Variants in FLRT2 observed in about 807,000 individuals in gnomAD.
FLRT2 encodes the protein leucine-rich repeat transmembrane protein FLRT2.
A neutral mutation model predicts 40.0 loss-of-function variants in FLRT2; 15 were observed. The ratio of observed to expected loss-of-function variants is 0.38; its 90% CI spans 0.25 to 0.58. The LOEUF (loss-of-function observed/expected upper bound fraction) is 0.58. Ranked by LOEUF, FLRT2 falls within the 20% of genes least tolerant of loss-of-function variation. The pLI is 0.71. For missense variants in FLRT2, 726 were observed against 840.0 expected (o/e 0.86, Z 1.68); for synonymous variants, 380 against 336.8 (o/e 1.13, Z -1.41).
intron 1 of FLRT2, among the ~76,000 whole-genome samples, chr14:85,535,924 TG>T (rs1566714230): frequency 0.011 from 841 of 78,800 alleles, 3 homozygotes; most frequent in East Asian, 0.032. Flanking sequence ...TTTTTTTTGT[TG>T]TTGTTGTTGT....
intron 1 of FLRT2, among the ~76,000 whole-genome samples, chr14:85,576,812 A>G (rs1231099971): frequency 6.6e-6 from 1 of 152,230 alleles, no homozygotes; most frequent in African/African-American, 2.4e-5. Flanking sequence ...AAAGTATTCC[A>G]AATGTACCTG....
At chr14:85,534,939 C>A (rs1888555703) in intron 1 of FLRT2, among the ~76,000 whole-genome samples, 1 of 150,872 alleles carries the variant, frequency 6.6e-6, no homozygotes, top group Non-Finnish European at 1.5e-5. Context: ...GGAAACTCAT[C>A]CTGTCTTCTC....
intron 1 of FLRT2, among the ~76,000 whole-genome samples, chr14:85,537,911 C>G (rs1888765627): frequency 6.7e-6 from 1 of 148,728 alleles, no homozygotes; most frequent in Non-Finnish European, 1.5e-5. Context: ...TTGATTCCTT[C>G]TACTGTGGCT....
chr14:85,604,954 T>C (rs1184556064), intron 1 of FLRT2, among the ~76,000 whole-genome samples: 2 of 152,098 alleles, frequency 1.3e-5, no homozygotes, highest in African/African-American at 4.8e-5. Flanking sequence ...ACACAGAGAG[T>C]TCAGAATCAT....
At chr14:85,590,763 A>G (rs1891847062) in intron 1 of FLRT2, among the ~76,000 whole-genome samples, 1 of 151,892 alleles carries the variant, frequency 6.6e-6, no homozygotes, top group African/African-American at 2.4e-5. Context: ...ATGCCTGGCT[A>G]ATTTTTGTAT....
intron 1 of FLRT2, among the ~76,000 whole-genome samples, chr14:85,540,055 T>C (rs1888895891): frequency 6.6e-6 from 1 of 150,906 alleles, no homozygotes; most frequent in South Asian, 2.1e-4. Flanking sequence ...GGAAAGAGAA[T>C]TTTGAGGATT....
At position 85,643,567 on chromosome 14, in the gene FLRT2, G is replaced by C. The variant is rs947130028; in HGVS notation, c.*20070G>C. 2 of 151,632 alleles carry C rather than the reference G, an allele frequency of 1.3e-5. No homozygotes were observed. The highest frequency in any genetic ancestry group is 6.6e-5 in the Admixed American group (1 of 15,214). 9.4% of individuals were successfully genotyped at this position (151,632 alleles called of 1,614,324 possible). ...ACCACCACACCTGACTAATTTTTGT[G>C]TTTTTAGTAGAGACGGGGTTTCACC... On this transcript the variant is annotated 3_prime_UTR_variant, in exon 2 of 2. Coordinates refer to ENST00000330753, the MANE Select transcript of FLRT2 (RefSeq NM_013231.6).
At position 85,650,050 on chromosome 14, in the gene FLRT2, T is replaced by C. The variant is rs797009531; in HGVS notation, c.*26553T>C. ...CATCCTAAATTTGCTTCATTGCTTT[T>C]ATTCATTAAAAATTACAAATACAAT... On this transcript the variant is annotated 3_prime_UTR_variant, in exon 2 of 2. Coordinates refer to ENST00000330753, the MANE Select transcript of FLRT2 (RefSeq NM_013231.6). The C allele has an allele frequency of 6.6e-6, 1 of 152,066 alleles. No homozygotes were observed. Among genetic ancestry groups the C allele is most frequent in the Non-Finnish European group, 1.5e-5 (1 of 67,938 alleles). 9.4% of individuals were successfully genotyped at this position (152,066 alleles called of 1,614,324 possible).
rs753191696 is a variant in FLRT2, at chr14:85,643,836, CGACAA to C, written c.*20340_*20344del. ...GAATCCTGGAGTGACAGAGAACAAA[CGACAA>C]CATTTAGTCCAGTTGCAGCAGAGTG... On this transcript the variant is annotated 3_prime_UTR_variant, in exon 2 of 2. Coordinates refer to ENST00000330753, the MANE Select transcript of FLRT2 (RefSeq NM_013231.6). 6.6e-5 allele frequency: 10 copies of C among 152,158 alleles called. No homozygotes were observed. The highest frequency in any genetic ancestry group is 5.2e-4 in the Admixed American group (8 of 15,278). 9.4% of individuals were successfully genotyped at this position (152,158 alleles called of 1,614,324 possible). A position where few individuals can be genotyped will look rare whatever the true frequency, so the allele number is the denominator to read the frequency against.
intron 1 of FLRT2, among the ~76,000 whole-genome samples, chr14:85,599,605 C>A (rs538512780): frequency 5.3e-5 from 8 of 152,100 alleles, no homozygotes; most frequent in African/African-American, 1.9e-4. Flanking sequence ...AGTCAGACAG[C>A]GCCATGTACA....
At chr14:85,556,190 C>T (rs1405041767) in intron 1 of FLRT2, among the ~76,000 whole-genome samples, 2 of 152,072 alleles carry the variant, frequency 1.3e-5, no homozygotes, top group Non-Finnish European at 2.9e-5. Flanking sequence ...CTAGAGACAA[C>T]TATATAGATT....
chr14:85,554,355 G>A lies in FLRT2; in HGVS notation c.-377+23821G>A, dbSNP rs187923985. ...ACCACAAGTGCCCTTACAACAGAGT[G>A]GACGTATGTGCTTCATTTTCTGATA... On this transcript the variant is annotated intron_variant, in intron 1 of 1. Coordinates refer to ENST00000330753, the MANE Select transcript of FLRT2 (RefSeq NM_013231.6). Among the ~76,000 whole-genome samples, 95 of 152,292 alleles carry A rather than the reference G, an allele frequency of 6.2e-4. 3 individuals carry two copies. In the South Asian group the frequency reaches 0.012, roughly 20 times the overall value.
In FLRT2 at chr14:85,627,006, A is replaced by C. The variant is rs1156943119; in HGVS notation, c.*3509A>C. ...AGAACACGAGGCAATATTGCAGTCC[A>C]CAGGGAATGGATGCTTCACTTGATC... On this transcript the variant is annotated 3_prime_UTR_variant, in exon 2 of 2. Coordinates refer to ENST00000330753, the MANE Select transcript of FLRT2 (RefSeq NM_013231.6). 6.0e-6 allele frequency: 1 copy of C among 167,050 alleles called. No homozygotes were observed. Among genetic ancestry groups the C allele is most frequent in the Non-Finnish European group, 1.5e-5 (1 of 68,134 alleles). The allele number at this position is 167,050 out of a possible 1,614,324, so 10.3% of individuals were successfully genotyped here. A position where few individuals can be genotyped will look rare whatever the true frequency, so the allele number is the denominator to read the frequency against.
intron 1 of FLRT2, among the ~76,000 whole-genome samples, chr14:85,614,287 C>A (rs935384280): frequency 6.6e-6 from 1 of 152,038 alleles, no homozygotes; most frequent in Non-Finnish European, 1.5e-5. Flanking sequence ...TTATTGAGTG[C>A]CTAATTGGTC....
intron 1 of FLRT2, among the ~76,000 whole-genome samples, chr14:85,619,438 G>GA (rs1754483034): frequency 6.6e-6 from 1 of 151,722 alleles, no homozygotes; most frequent in Non-Finnish European, 1.5e-5. Context: ...TATTTTACCT[G>GA]AAAAAAGATC....
chr14:85,617,265 T>C (rs1311955733), intron 1 of FLRT2, among the ~76,000 whole-genome samples: 2 of 152,204 alleles, frequency 1.3e-5, no homozygotes, highest in African/African-American at 4.8e-5. Context: ...TCTTTGGATA[T>C]CATTAATAAT....
intron 1 of FLRT2, among the ~76,000 whole-genome samples, chr14:85,568,451 G>C (rs1046875985): frequency 1.3e-5 from 2 of 152,136 alleles, no homozygotes; most frequent in African/African-American, 4.8e-5. Context: ...TCATTGCTAG[G>C]TATGTTTCTG....
chr14:85,649,351 T>G lies in FLRT2; in HGVS notation c.*25854T>G, dbSNP rs1894380945. The G allele has an allele frequency of 6.6e-6, 1 of 152,114 alleles. No homozygotes were observed. The highest frequency in any genetic ancestry group is 2.4e-5 in the African/African-American group (1 of 41,444). 9.4% of individuals were successfully genotyped at this position (152,114 alleles called of 1,614,324 possible). A position where few individuals can be genotyped will look rare whatever the true frequency, so the allele number is the denominator to read the frequency against. ...ATGTTGCAGATGCTGTAACTCTTAT[T>G]TGCATCCATTGGTCTTTTGGTTTAT... is the stretch of plus-strand genomic sequence containing the variant. On this transcript the variant is annotated 3_prime_UTR_variant, in exon 2 of 2. Coordinates refer to ENST00000330753, the MANE Select transcript of FLRT2 (RefSeq NM_013231.6).
chr14:85,535,926 T>G (rs1195211332), intron 1 of FLRT2, among the ~76,000 whole-genome samples: 231 of 65,160 alleles, frequency 3.5e-3, no homozygotes, highest in Middle Eastern at 6.7e-3. Flanking sequence ...TTTTTTGTTG[T>G]TGTTGTTGTT....
Sources: allele counts gnomAD v4.1 joint callset (sites outside exome capture counted in the v4.1 genomes callset), GRCh38; gene constraint gnomAD v4.1.1; transcripts MANE v1.5; gene names NCBI Gene and HGNC (gene_info 2026-07-23, HGNC 2026-07-21).